The following ARHGAP8 variants were observed in gnomAD, a reference collection of about 807,000 sequenced individuals.
ARHGAP8 encodes Rho GTPase activating protein 8.
In ARHGAP8, 62 loss-of-function variants were observed where a neutral mutation model predicts 46.1. The ratio of observed to expected loss-of-function variants is 1.34; its 90% CI spans 1.10 to 1.66. The LOEUF (loss-of-function observed/expected upper bound fraction) is 1.66, where lower values mean the gene tolerates loss of function less well. ARHGAP8 is among the 40% of genes most tolerant of loss of function. The probability of loss-of-function intolerance (pLI) is 0.00; values close to 1 mark genes in which losing one functional copy is unlikely to be tolerated. For missense variants in ARHGAP8, 923 were observed against 568.4 expected, an observed-to-expected ratio of 1.62 and a Z score of -6.34; for synonymous variants, 375 against 243.1, an observed-to-expected ratio of 1.54 and a Z score of -5.05.
At chr22:44,832,381 C>G (rs1931009605) in intron 7 of ARHGAP8, among the ~76,000 whole-genome samples, 1 of 151,966 alleles carries the variant, frequency 6.6e-6, no homozygotes, top group Admixed American at 6.6e-5. Flanking sequence ...TGTGTGCTAC[C>G]ACGCCTGGCT....
chr22:44,755,690 A>ACT (rs1263018549), intron 1 of ARHGAP8, among the ~76,000 whole-genome samples: 4 of 151,604 alleles, frequency 2.6e-5, no homozygotes, highest in African/African-American at 7.3e-5. Context: ...TGGCTGAGTG[A>ACT]CTCTCTCTCC....
chr22:44,820,445 A>T (rs1323945230), intron 5 of ARHGAP8, among the ~76,000 whole-genome samples: 1 of 152,114 alleles, frequency 6.6e-6, no homozygotes, highest in Non-Finnish European at 1.5e-5. Context: ...ATCACACAGG[A>T]CGTTGACAGT....
At chr22:44,776,615 T>G (rs115845743) in intron 1 of ARHGAP8, among the ~76,000 whole-genome samples, 1,543 of 152,178 alleles carry the variant, frequency 0.01, 24 homozygotes, top group African/African-American at 0.035. Context: ...GGAGTTCAGA[T>G]TTTTCATTAA....
intron 1 of ARHGAP8, among the ~76,000 whole-genome samples, chr22:44,766,853 G>A (rs1925611908): frequency 6.6e-6 from 1 of 151,972 alleles, no homozygotes; most frequent in South Asian, 2.1e-4. Flanking sequence ...CAGTCTGGCA[G>A]CAGAATGCAG....
At chr22:44,791,587 C>A (rs976926930) in intron 2 of ARHGAP8, among the ~76,000 whole-genome samples, 7 of 152,028 alleles carry the variant, frequency 4.6e-5, no homozygotes, top group Admixed American at 2.6e-4. Context: ...ACCTGTAATC[C>A]CCGCTACTTG....
At chr22:44,814,917 C>G (rs1929627543) in intron 5 of ARHGAP8, among the ~76,000 whole-genome samples, 159 bp downstream of exon 5, 1 of 152,094 alleles carries the variant, frequency 6.6e-6, no homozygotes, top group African/African-American at 2.4e-5. Flanking sequence ...CGGGGGGTCA[C>G]AAGGCCAGCC....
intron 1 of ARHGAP8, among the ~76,000 whole-genome samples, chr22:44,776,977 A>G (rs572887871): frequency 2.0e-5 from 3 of 152,100 alleles, no homozygotes; most frequent in East Asian, 1.9e-4. Flanking sequence ...TCCTCCTGCA[A>G]TGCTGTTCCT....
At chr22:44,862,151 T>G (rs2070521097) in intron 11 of ARHGAP8, 124 bp from the exon 12 acceptor site, 1 of 1,197,284 alleles carries the variant, frequency 8.4e-7, no homozygotes, top group Non-Finnish European at 1.1e-6. Context: ...CATTACTGGC[T>G]GCCGGCTCCC....
chr22:44,822,595 A>C (rs989283088), intron 6 of ARHGAP8, 126 bp downstream of exon 6: 1 of 827,142 alleles, frequency 1.2e-6, no homozygotes, highest in East Asian at 3.2e-5. Context: ...TTGGCTCAGA[A>C]ATCTGCGGCA....
intron 11 of ARHGAP8, among the ~76,000 whole-genome samples, chr22:44,860,302 G>A (rs906657162): frequency 6.6e-6 from 1 of 152,132 alleles, no homozygotes. Flanking sequence ...CACTCTTCTA[G>A]AGGCTAGCAG....
At chr22:44,797,476 A>T (rs1928174977) in intron 2 of ARHGAP8, among the ~76,000 whole-genome samples, 1 of 151,972 alleles carries the variant, frequency 6.6e-6, no homozygotes, top group South Asian at 2.1e-4. Flanking sequence ...GTGCCTGAAA[A>T]CTCCCACTTG....
chr22:44,859,578 A>G (rs1259023157), intron 10 of ARHGAP8, 153 bp from the exon 11 acceptor site: 39 of 729,528 alleles, frequency 5.3e-5, no homozygotes, highest in East Asian at 2.7e-5. Context: ...GCAGAGCCAT[A>G]CGGCCAGAAG....
chr22:44,784,397 C>T (rs1249758229), intron 1 of ARHGAP8, among the ~76,000 whole-genome samples: 2 of 152,094 alleles, frequency 1.3e-5, no homozygotes, highest in Admixed American at 1.3e-4. Flanking sequence ...GAGTGAGACT[C>T]GGTCTCAAAC....
At chr22:44,825,801 C>G (rs1418500946) in intron 7 of ARHGAP8, among the ~76,000 whole-genome samples, 2 of 131,054 alleles carry the variant, frequency 1.5e-5, no homozygotes, top group African/African-American at 5.9e-5. Context: ...TGCTCGGTGC[C>G]TGGTTGGGGG....
At chr22:44,812,650 C>T (rs527442572) in intron 4 of ARHGAP8, among the ~76,000 whole-genome samples, 2 of 152,074 alleles carry the variant, frequency 1.3e-5, no homozygotes, top group East Asian at 3.9e-4. Flanking sequence ...CCACCGCGCC[C>T]TGCCTCAGAG....
chr22:44,786,651 C>T, intron 2 of ARHGAP8, 45 bp downstream of exon 2: 1 of 1,578,834 alleles, frequency 6.3e-7, no homozygotes, highest in South Asian at 1.2e-5. Flanking sequence ...GGCAGAGCAG[C>T]CTTCCTCTCG....
intron 7 of ARHGAP8, among the ~76,000 whole-genome samples, chr22:44,829,828 A>C (rs1010031220): frequency 8.5e-5 from 13 of 152,178 alleles, no homozygotes; most frequent in Non-Finnish European, 1.9e-4. Context: ...AGAATGAGCT[A>C]ATGAAGTTAA....
At chr22:44,860,971 A>G (rs2070451600) in intron 11 of ARHGAP8, among the ~76,000 whole-genome samples, 1 of 149,190 alleles carries the variant, frequency 6.7e-6, no homozygotes, top group Non-Finnish European at 1.5e-5. Flanking sequence ...GCTTGACATA[A>G]TTTCTCAGAG....
rs112217362 is a variant in ARHGAP8 at position 44,852,224 on chromosome 22, G to A, written c.877+3164G>A. 6.6e-3 allele frequency among the ~76,000 whole-genome samples: 985 copies of A among 150,086 alleles called. 19 individuals are homozygous for A. Among genetic ancestry groups the A allele is most frequent in the African/African-American group, 0.023 (919 of 40,826 alleles). On this transcript the variant is annotated intron_variant, in intron 10 of 11. Transcript: ENST00000356099. The stretch of plus-strand genomic sequence containing the variant: ...AAAAAAAAAAAAAAAAAAAGGAAGG[G>A]AGGAAGGAAGGTGAAGGAAGGTGAA...
Sources: allele counts gnomAD v4.1 joint callset (sites outside exome capture counted in the v4.1 genomes callset), GRCh38; gene constraint gnomAD v4.1.1; transcripts MANE v1.5; gene names NCBI Gene and HGNC (gene_info 2026-07-23, HGNC 2026-07-21).